Variants in NYAP2 observed in about 807,000 individuals in gnomAD.
The protein encoded by NYAP2 is neuronal tyrosine-phosphorylated phosphoinositide-3-kinase adapter 2.
Under a neutral mutation model 50.4 loss-of-function variants are expected in NYAP2, and 23 were observed. The observed-to-expected ratio is 0.46, with a 90% CI of 0.33 to 0.65. The LOEUF (loss-of-function observed/expected upper bound fraction) is 0.65. NYAP2 is among the 30% of genes least tolerant of loss of function. The pLI is 0.02. For missense variants in NYAP2, 885 were observed against 861.0 expected (o/e 1.03, Z -0.35); for synonymous variants, 394 against 365.2 (o/e 1.08, Z -0.90).
intron 3 of NYAP2, among the ~76,000 whole-genome samples, chr2:225,465,746 T>C (rs1689906644): frequency 2.0e-5 from 3 of 151,522 alleles, no homozygotes; most frequent in African/African-American, 7.3e-5. Flanking sequence ...AAAAACACTC[T>C]CTGTGTCCTT....
chr2:225,438,221 A>G (rs994948893), intron 3 of NYAP2, among the ~76,000 whole-genome samples: 1 of 152,186 alleles, frequency 6.6e-6, no homozygotes, highest in South Asian at 2.1e-4. Flanking sequence ...TTGGTTCTAG[A>G]TATTTAACTT....
chr2:225,694,688 G>A, the NYAP2 span, among the ~76,000 whole-genome samples: 1 of 151,640 alleles, frequency 6.6e-6, no homozygotes, highest in Admixed American at 6.6e-5. Context: ...AGTTTAAATG[G>A]AAACAAATTG....
chr2:225,545,887 C>T (rs1691571930), intron 4 of NYAP2, among the ~76,000 whole-genome samples: 1 of 152,164 alleles, frequency 6.6e-6, no homozygotes, highest in South Asian at 2.1e-4. Context: ...CTAAGCCCTA[C>T]TCGTGTTAGG....
At chr2:225,553,947 G>A (rs1691726795) in intron 4 of NYAP2, among the ~76,000 whole-genome samples, 1 of 152,148 alleles carries the variant, frequency 6.6e-6, no homozygotes, top group South Asian at 2.1e-4. Context: ...TTGAACTCGG[G>A]AAGCAGAGGT....
chr2:225,693,995 T>C, the NYAP2 span, among the ~76,000 whole-genome samples: 674 of 152,220 alleles, frequency 4.4e-3, 6 homozygotes, highest in African/African-American at 0.015. Flanking sequence ...TCCAAGGATG[T>C]TGCTTCTGCT....
intron 4 of NYAP2, among the ~76,000 whole-genome samples, chr2:225,573,751 ACTT>A (rs1450838162): frequency 1.3e-5 from 2 of 152,064 alleles, no homozygotes; most frequent in Non-Finnish European, 2.9e-5. Flanking sequence ...ACTAGGTTGA[ACTT>A]CTTCGTAACA....
At chr2:225,535,574 A>G (rs77617262) in intron 4 of NYAP2, among the ~76,000 whole-genome samples, 5,142 of 152,292 alleles carry the variant, frequency 0.034, 298 homozygotes, top group African/African-American at 0.12. Context: ...AGCTTTCCTT[A>G]TAGGCTATCC....
At chr2:225,497,545 A>G (rs1690529246) in intron 3 of NYAP2, among the ~76,000 whole-genome samples, 3 of 152,192 alleles carry the variant, frequency 2.0e-5, no homozygotes, top group Admixed American at 6.5e-5. Context: ...ATGTTTGTAA[A>G]ATGCTTTTTG....
intron 2 of NYAP2, among the ~76,000 whole-genome samples, chr2:225,406,305 G>A (rs1476763855): frequency 1.3e-5 from 2 of 151,962 alleles, no homozygotes; most frequent in South Asian, 4.2e-4. Flanking sequence ...AAACAAAGAG[G>A]TGTGATGTTT....
chr2:225,454,123 A>C (rs1379935811), intron 3 of NYAP2, among the ~76,000 whole-genome samples: 1 of 152,082 alleles, frequency 6.6e-6, no homozygotes, highest in Non-Finnish European at 1.5e-5. Context: ...CAGGAATTTG[A>C]GACCAGCCTG....
chr2:225,547,476 T>G (rs1187029050), intron 4 of NYAP2, among the ~76,000 whole-genome samples: 2 of 152,200 alleles, frequency 1.3e-5, no homozygotes, highest in Admixed American at 1.3e-4. Flanking sequence ...GTGAGGCTTG[T>G]GGGATCTCAA....
chr2:225,600,361 G>A (rs986045942), intron 5 of NYAP2, among the ~76,000 whole-genome samples: 2 of 152,108 alleles, frequency 1.3e-5, no homozygotes, highest in Non-Finnish European at 2.9e-5. Context: ...ATCCCCAAGA[G>A]CAATTTGGGA....
At chr2:225,519,341 A>C (rs11684823) in intron 4 of NYAP2, among the ~76,000 whole-genome samples, 45,690 of 151,338 alleles carry the variant, frequency 0.3, 7,063 homozygotes, top group South Asian at 0.48. Flanking sequence ...TTACATATGT[A>C]TACATGTGCC....
At chr2:225,610,064 T>C (rs1032649874) in intron 5 of NYAP2, among the ~76,000 whole-genome samples, 1 of 152,148 alleles carries the variant, frequency 6.6e-6, no homozygotes, top group Non-Finnish European at 1.5e-5. Flanking sequence ...ACATTCATTG[T>C]CCTCCATTCA....
intron 6 of NYAP2, among the ~76,000 whole-genome samples, chr2:225,645,022 G>A (rs1159326153): frequency 1.3e-5 from 2 of 152,112 alleles, no homozygotes; most frequent in Non-Finnish European, 2.9e-5. Context: ...CAGTTTGGGA[G>A]GCCAAGGTGG....
chr2:225,419,666 ATAT>A (rs1163813388), intron 3 of NYAP2, among the ~76,000 whole-genome samples: 1 of 152,194 alleles, frequency 6.6e-6, no homozygotes, highest in Non-Finnish European at 1.5e-5. Context: ...GGTAGTCAAC[ATAT>A]TATAGAATTG....
chr2:225,515,648 C>T (rs977815505), intron 4 of NYAP2, among the ~76,000 whole-genome samples: 10 of 151,970 alleles, frequency 6.6e-5, no homozygotes, highest in Admixed American at 5.9e-4. Flanking sequence ...ACTAAAAGGC[C>T]CCAGAGGCCT....
downstream of NYAP2, among the ~76,000 whole-genome samples, chr2:225,658,257 A>G (rs1452734170): frequency 1.3e-5 from 2 of 152,180 alleles, no homozygotes; most frequent in African/African-American, 4.8e-5. Flanking sequence ...CCTTCTGCAT[A>G]CATGTCAACC....
the NYAP2 span, among the ~76,000 whole-genome samples, chr2:225,677,550 C>G: frequency 8.6e-5 from 13 of 151,976 alleles, no homozygotes; most frequent in Admixed American, 1.3e-4. Flanking sequence ...GCAGGTTTGT[C>G]CTAGATGGGT....
Sources: allele counts gnomAD v4.1 joint callset (sites outside exome capture counted in the v4.1 genomes callset), GRCh38; gene constraint gnomAD v4.1.1; transcripts MANE v1.5; gene names NCBI Gene and HGNC (gene_info 2026-07-23, HGNC 2026-07-21).